The following GRM8 variants were observed in gnomAD, a reference collection of about 807,000 sequenced individuals.
GRM8 encodes metabotropic glutamate receptor 8.
In GRM8, 47 loss-of-function variants were observed where a neutral mutation model predicts 87.2. The ratio of observed to expected loss-of-function variants is 0.54; its 90% CI spans 0.43 to 0.69. GRM8 has a LOEUF of 0.69. GRM8 is among the 30% of genes least tolerant of loss of function. GRM8 has a pLI of 0.00. For synonymous variants in GRM8, 396 were observed against 404.5 expected, an observed-to-expected ratio of 0.98 and a Z score of 0.25; for missense variants, 1,019 against 1,139.2, an observed-to-expected ratio of 0.89 and a Z score of 1.52.
intron 2 of GRM8, among the ~76,000 whole-genome samples, chr7:127,225,218 C>T (rs1797246092): frequency 1.3e-5 from 2 of 152,144 alleles, no homozygotes; most frequent in South Asian, 4.1e-4. Flanking sequence ...TCTGGGGGTA[C>T]ATCTAGGGTG....
At chr7:127,080,190 A>G (rs1000179032) in intron 3 of GRM8, among the ~76,000 whole-genome samples, 2 of 152,182 alleles carry the variant, frequency 1.3e-5, no homozygotes, top group African/African-American at 2.4e-5. Context: ...GAGAAAGGTC[A>G]TCATAAAAAA....
At chr7:126,927,011 G>C (rs1805201724) in intron 3 of GRM8, among the ~76,000 whole-genome samples, 1 of 152,156 alleles carries the variant, frequency 6.6e-6, no homozygotes, top group African/African-American at 2.4e-5. Flanking sequence ...TGAACCCTTA[G>C]TAGTGGTAAA....
At chr7:126,559,580 T>C (rs750983728) in intron 8 of GRM8, among the ~76,000 whole-genome samples, 4 of 152,204 alleles carry the variant, frequency 2.6e-5, no homozygotes, top group Non-Finnish European at 5.9e-5. Context: ...AATTCTTGAA[T>C]AGATCACATT....
intron 7 of GRM8, among the ~76,000 whole-genome samples, chr7:126,630,937 C>A (rs2151171860): frequency 6.6e-6 from 1 of 152,192 alleles, no homozygotes; most frequent in Non-Finnish European, 1.5e-5. Flanking sequence ...ATTGAATGGG[C>A]AAAAGCTGAA....
intron 6 of GRM8, among the ~76,000 whole-genome samples, chr7:126,865,987 GT>G (rs1344551785): frequency 6.6e-6 from 1 of 152,170 alleles, no homozygotes; most frequent in African/African-American, 2.4e-5. Context: ...TTACTTAACT[GT>G]TTGAGAAATT....
chr7:126,915,654 G>A (rs1270794725), intron 3 of GRM8, among the ~76,000 whole-genome samples: 1 of 152,106 alleles, frequency 6.6e-6, no homozygotes, highest in Non-Finnish European at 1.5e-5. Flanking sequence ...TACAGGAACT[G>A]GGAAAGAGTC....
At chr7:126,525,895 C>T (rs1193707646) in intron 9 of GRM8, among the ~76,000 whole-genome samples, 3 of 152,088 alleles carry the variant, frequency 2.0e-5, no homozygotes, top group Admixed American at 6.5e-5. Context: ...TTTCTTTTTA[C>T]ATATTTCTTT....
At chr7:126,463,458 T>C (rs979327835) in intron 9 of GRM8, among the ~76,000 whole-genome samples, 7 of 151,590 alleles carry the variant, frequency 4.6e-5, no homozygotes, top group African/African-American at 1.7e-4. Context: ...CTCAGATGGA[T>C]TGTAACGATT....
intron 6 of GRM8, among the ~76,000 whole-genome samples, chr7:126,773,875 T>A (rs1819135179): frequency 6.6e-6 from 1 of 152,100 alleles, no homozygotes; most frequent in Non-Finnish European, 1.5e-5. Context: ...CCAATAGGTC[T>A]AAATGAACAA....
chr7:127,055,998 A>G (rs529651687), intron 3 of GRM8, among the ~76,000 whole-genome samples: 18 of 152,358 alleles, frequency 1.2e-4, no homozygotes, highest in South Asian at 2.1e-4. Context: ...CTGAACAGTT[A>G]TAAGTCCTTG....
intron 7 of GRM8, among the ~76,000 whole-genome samples, chr7:126,750,467 G>T (rs1018430579): frequency 1.3e-5 from 2 of 151,896 alleles, no homozygotes; most frequent in Admixed American, 6.6e-5. Context: ...GGGTTTTACC[G>T]TGTCTATATT....
chr7:127,165,801 T>A (rs891306870), intron 2 of GRM8, among the ~76,000 whole-genome samples: 5 of 152,180 alleles, frequency 3.3e-5, no homozygotes, highest in Admixed American at 3.3e-4. Context: ...TTACTCCCTC[T>A]TCTTTATTCT....
At chr7:126,885,827 A>AT in intron 6 of GRM8, among the ~76,000 whole-genome samples, 1 of 152,302 alleles carries the variant, frequency 6.6e-6, no homozygotes, top group Non-Finnish European at 1.5e-5. Context: ...CTTTCCTGAA[A>AT]TAAAAACAGG....
chr7:126,944,327 C>A (rs774159652), intron 3 of GRM8, among the ~76,000 whole-genome samples: 3 of 152,092 alleles, frequency 2.0e-5, no homozygotes, highest in Non-Finnish European at 4.4e-5. Flanking sequence ...GGGCTGCATG[C>A]GACATCCCAA....
intron 8 of GRM8, among the ~76,000 whole-genome samples, chr7:126,534,947 G>GATGGGAA (rs1459578201): frequency 6.6e-6 from 1 of 152,144 alleles, no homozygotes; most frequent in Non-Finnish European, 1.5e-5. Context: ...AGGGAGAAAG[G>GATGGGAA]ATGGGAAAGG....
intron 3 of GRM8, among the ~76,000 whole-genome samples, chr7:126,930,567 T>C (rs1375181473): frequency 1.3e-5 from 2 of 152,216 alleles, no homozygotes; most frequent in Admixed American, 1.3e-4. Flanking sequence ...CAAATAATAA[T>C]GATGGGTCTT....
intron 3 of GRM8, among the ~76,000 whole-genome samples, chr7:126,944,322 G>T (rs1465990937): frequency 6.6e-6 from 1 of 151,598 alleles, no homozygotes; most frequent in African/African-American, 2.4e-5. Context: ...GACCTGGGCT[G>T]CATGCGACAT....
chr7:127,235,230 A>T (rs953121889), intron 2 of GRM8, among the ~76,000 whole-genome samples: 3 of 152,248 alleles, frequency 2.0e-5, no homozygotes, highest in Non-Finnish European at 4.4e-5. Flanking sequence ...ATTTCAGGCC[A>T]TTTAAGGCTA....
chr7:126,762,502 A>T (rs190789824), intron 7 of GRM8, among the ~76,000 whole-genome samples: 43 of 152,080 alleles, frequency 2.8e-4, no homozygotes, highest in African/African-American at 9.9e-4. Context: ...TGAAAAAACA[A>T]AGACATTTCT....
Sources: allele counts gnomAD v4.1 joint callset (sites outside exome capture counted in the v4.1 genomes callset), GRCh38; gene constraint gnomAD v4.1.1; transcripts MANE v1.5; gene names NCBI Gene and HGNC (gene_info 2026-07-23, HGNC 2026-07-21).